Variants in LDLRAD4 observed in about 807,000 individuals in gnomAD.
LDLRAD4 encodes low density lipoprotein receptor class A domain containing 4.
Under a neutral mutation model 17.0 loss-of-function variants are expected in LDLRAD4, and 5 were observed. The observed-to-expected ratio is 0.29, with a 90% CI of 0.15 to 0.62. The LOEUF is 0.62. Among genes scored for constraint, LDLRAD4 ranks in the 20% least tolerant of loss-of-function variants. LDLRAD4 has a pLI of 0.84. For missense variants in LDLRAD4, 340 were observed against 424.7 expected, an observed-to-expected ratio of 0.80 and a Z score of 1.75; for synonymous variants, 168 against 171.8, an observed-to-expected ratio of 0.98 and a Z score of 0.17.
chr18:13,463,840 T>TA (rs1254704165), intron 3 of LDLRAD4, among the ~76,000 whole-genome samples: 2 of 152,210 alleles, frequency 1.3e-5, no homozygotes, highest in Non-Finnish European at 2.9e-5. Context: ...GATTGCTTTT[T>TA]AAAAATGTGT....
At chr18:13,337,859 T>TA (rs1381113887) in intron 1 of LDLRAD4, among the ~76,000 whole-genome samples, 1 of 151,796 alleles carries the variant, frequency 6.6e-6, no homozygotes, top group Non-Finnish European at 1.5e-5. Context: ...AGGCCATCTC[T>TA]AAAAAAAAGA....
intron 1 of LDLRAD4, among the ~76,000 whole-genome samples, chr18:13,293,945 AG>A (rs1181963547): frequency 6.6e-6 from 1 of 152,198 alleles, no homozygotes; most frequent in Non-Finnish European, 1.5e-5. Flanking sequence ...TTCTGGGGCC[AG>A]AGGAGCACTT....
intron 1 of LDLRAD4, among the ~76,000 whole-genome samples, chr18:13,323,651 G>C (rs146740961): frequency 1.1e-3 from 160 of 152,254 alleles, no homozygotes; most frequent in African/African-American, 3.5e-3. Context: ...ACAGATGTGC[G>C]TGATGAACAA....
chr18:13,611,935 C>G, intron 3 of LDLRAD4: 1 of 985,422 alleles, frequency 1.0e-6, no homozygotes, highest in Non-Finnish European at 1.2e-6. Flanking sequence ...GGACAGCCCG[C>G]AGCCTGGCTC....
intron 3 of LDLRAD4, among the ~76,000 whole-genome samples, chr18:13,448,749 C>T (rs1016168929): frequency 6.6e-6 from 1 of 152,010 alleles, no homozygotes; most frequent in Non-Finnish European, 1.5e-5. Flanking sequence ...CTAATCACGT[C>T]TTGGTCTTGA....
intron 3 of LDLRAD4, among the ~76,000 whole-genome samples, chr18:13,481,333 A>G (rs2093077136): frequency 6.6e-6 from 1 of 152,174 alleles, no homozygotes; most frequent in Non-Finnish European, 1.5e-5. Context: ...CTCAGCTCTC[A>G]CCTTGATGCT....
At chr18:13,277,681 A>G (rs1247826480), upstream of LDLRAD4, among the ~76,000 whole-genome samples, 1 of 152,206 alleles carries the variant, frequency 6.6e-6, no homozygotes, top group Non-Finnish European at 1.5e-5. Flanking sequence ...AGGTGGGCCC[A>G]TGTTGTCTTG....
rs188819341 is a variant in LDLRAD4, at chr18:13,398,528, T to C, written c.40+10766T>C. ...TTTGAGTGTGGGTCTTGATGGGAAG[T>C]AGGAGAGCAGAAAGATGGGTGGGAA... is the stretch of plus-strand genomic sequence containing the variant. On this transcript the variant is annotated intron_variant, in intron 2 of 5. Coordinates refer to ENST00000359446, the Ensembl canonical transcript of LDLRAD4. This position sits in a 1 kb window ranked among gnomAD's most constrained non-coding sequence, Gnocchi z 4.8. 4.7e-4 allele frequency among the ~76,000 whole-genome samples: 71 copies of C among 151,746 alleles called. No individual in the cohort carries two copies. In the East Asian group the frequency reaches 0.012, roughly 27 times the overall value.
At chr18:13,557,440 G>A (rs1010919881) in intron 3 of LDLRAD4, among the ~76,000 whole-genome samples, 12 of 151,908 alleles carry the variant, frequency 7.9e-5, no homozygotes, top group Admixed American at 5.9e-4. Flanking sequence ...TCGCTCTTTC[G>A]CCCAAGCTGG....
chr18:13,532,712 A>G (rs2094146582), intron 3 of LDLRAD4, among the ~76,000 whole-genome samples: 1 of 152,226 alleles, frequency 6.6e-6, no homozygotes, highest in Admixed American at 6.5e-5. Context: ...ACTTGGCAGG[A>G]CAGAGGCATG....
rs149200331 is a variant in LDLRAD4, at chr18:13,507,590, A to T, written c.181+69206A>T. On this transcript the variant is annotated intron_variant, in intron 3 of 5. Coordinates refer to ENST00000359446, the Ensembl canonical transcript of LDLRAD4. ...CAGTGAGCACTTAGGTTGGCTCCAT[A>T]TCTTTGCAATTGTGAATTGTGCTGC... Among the ~76,000 whole-genome samples the T allele has an allele frequency of 3.7e-4, 57 of 152,254 alleles. No homozygotes were observed. The East Asian group carries it at 7.5e-3, about 20-fold the overall frequency.
rs2093100039 is a variant in LDLRAD4 at position 13,482,013 on chromosome 18, G to A, written c.181+43629G>A. On this transcript the variant is annotated intron_variant, in intron 3 of 5. Coordinates refer to ENST00000359446, the Ensembl canonical transcript of LDLRAD4. ...GTGACAGGACTGGAGGGCCTGCAGG[G>A]GCAGTGAGGAGCTCTCCAGACTGAG... Among the ~76,000 whole-genome samples, 6 of 152,150 alleles carry A rather than the reference G, an allele frequency of 3.9e-5. No individual in the cohort carries two copies. In the South Asian group the frequency reaches 1.2e-3, roughly 32 times the overall value.
chr18:13,423,475 A>G (rs927074483), intron 2 of LDLRAD4: 8 of 151,500 alleles, frequency 5.3e-5, no homozygotes, highest in African/African-American at 2.0e-4. Context: ...CCTGGGTGAC[A>G]GAGCGAGACT....
chr18:13,531,255 G>A (rs11876765), intron 3 of LDLRAD4, among the ~76,000 whole-genome samples: 8,593 of 152,142 alleles, frequency 0.056, 347 homozygotes, highest in African/African-American at 0.11. Flanking sequence ...TGTTAAGTAC[G>A]GAGACAGATG....
chr18:13,481,531 G>C (rs183168737), intron 3 of LDLRAD4, among the ~76,000 whole-genome samples: 1 of 152,256 alleles, frequency 6.6e-6, no homozygotes, highest in East Asian at 1.9e-4. Context: ...GGTGGCCCTC[G>C]AGCTGTGACC....
intron 3 of LDLRAD4, among the ~76,000 whole-genome samples, chr18:13,532,368 A>G (rs2094141905): frequency 6.6e-6 from 1 of 152,226 alleles, no homozygotes; most frequent in African/African-American, 2.4e-5. Context: ...GACCTGTGGC[A>G]TTAAACTGAT....
At chr18:13,630,761 A>C (rs2041591712) in intron 4 of LDLRAD4, among the ~76,000 whole-genome samples, 2 of 152,238 alleles carry the variant, frequency 1.3e-5, no homozygotes, top group African/African-American at 4.8e-5. Flanking sequence ...TACATTTTAT[A>C]TCACAACACA....
intron 3 of LDLRAD4, chr18:13,488,716 C>T (rs1032195915): frequency 6.6e-6 from 1 of 152,314 alleles, no homozygotes; most frequent in East Asian, 1.9e-4. Flanking sequence ...CATGCACGCT[C>T]ACGTGGGGCA....
intron 3 of LDLRAD4, among the ~76,000 whole-genome samples, chr18:13,574,099 G>T (rs763642517): frequency 1.1e-4 from 16 of 152,170 alleles, no homozygotes; most frequent in Non-Finnish European, 2.1e-4. Context: ...CTAACTCTTG[G>T]TCGTTCCACT....
Sources: gnomAD v4.1 joint callset for allele counts (sites outside exome capture counted in the v4.1 genomes callset) on GRCh38, gnomAD v4.1.1 for gene constraint, Gnocchi (gnomAD v3.1) non-coding constraint, MANE v1.5 for transcripts, NCBI Gene and HGNC (gene_info 2026-07-23, HGNC 2026-07-21) for gene names.